The following SF3B1 variants were observed in gnomAD, a reference collection of about 807,000 sequenced individuals.
The protein encoded by SF3B1 is splicing factor 3b subunit 1.
A neutral mutation model predicts 153.8 loss-of-function variants in SF3B1; 12 were observed. The observed-to-expected ratio is 0.08, with a 90% CI of 0.05 to 0.13. SF3B1 has a LOEUF of 0.13. SF3B1 is among the 10% of genes least tolerant of loss of function. The pLI is 1.00. For missense variants in SF3B1, 513 were observed against 1,606.1 expected, an observed-to-expected ratio of 0.32 and a Z score of 11.63; for synonymous variants, 498 against 525.2, an observed-to-expected ratio of 0.95 and a Z score of 0.71.
intron 6 of SF3B1, among the ~76,000 whole-genome samples, chr2:197,416,376 A>AC (rs959413896): frequency 2.0e-5 from 3 of 152,092 alleles, no homozygotes; most frequent in Non-Finnish European, 4.4e-5. Context: ...TGAAGTCCTA[A>AC]CCCCCAGTGT....
Position 197,405,137 on chromosome 2 carries a change from T to C in SF3B1, c.1478A>G (p.Lys493Arg). 1.2e-6 allele frequency: 2 copies of C among 1,612,932 alleles called. No homozygotes were observed. The highest frequency in any genetic ancestry group is 8.5e-7 in the Non-Finnish European group (1 of 1,179,396). ...AAGCAACTTCATTATTTTTCTCTCT[T>C]TTTGCTCTTCTGGACTAAGTGTTGA... Reference protein sequence around the residue: ...DESTLSPEEQKERKIMKLLLK... With the variant: ...DESTLSPEEQRERKIMKLLLK... Residue 493 changes from lysine (K) to arginine (R), a missense_variant, in exon 11 of 25, where the codon AAA (lysine) becomes AGA (arginine). By Grantham distance (26) the Lys-to-Arg change is conservative (BLOSUM62 2). Transcript: ENST00000335508.
intron 1 of SF3B1, among the ~76,000 whole-genome samples, chr2:197,429,403 T>C (rs910543603): frequency 1.3e-5 from 2 of 152,226 alleles, no homozygotes; most frequent in Non-Finnish European, 2.9e-5. Flanking sequence ...ATTCTCTAGC[T>C]GAAGTACATC....
Position 197,402,240 on chromosome 2 carries a change from T to A in SF3B1, c.2078-110A>T. 7.5e-7 allele frequency: 1 copy of A among 1,333,778 alleles called. No homozygotes were observed. Among genetic ancestry groups the A allele is most frequent in the South Asian group, 1.5e-5 (1 of 65,480 alleles). The allele number at this position is 1,333,778 out of a possible 1,614,324, so 82.6% of individuals were successfully genotyped here. On this transcript the variant is annotated intron_variant, in intron 14 of 24. Transcript: ENST00000335508. This position sits in a 1 kb window ranked among gnomAD's most constrained non-coding sequence, Gnocchi z 4.6. ...TATTCAGCCAAACTGCAGAATATGT[T>A]CACATTAAACAAAATTAGGTAAAAG...
intron 6 of SF3B1, among the ~76,000 whole-genome samples, chr2:197,413,012 T>G (rs2085094569): frequency 6.7e-6 from 1 of 149,872 alleles, no homozygotes; most frequent in African/African-American, 2.5e-5. Flanking sequence ...AGCTCTTGTG[T>G]CTAGTTATGT....
chr2:197,401,049 G>T lies in SF3B1; in HGVS notation c.2497-113C>A. On this transcript the variant is annotated intron_variant, in intron 17 of 24. Transcript: ENST00000335508. The surrounding 1 kb of genome is among the most constrained non-coding windows in gnomAD (Gnocchi z 4.2). ...ACTACTTATTTAGCTAATAAACATG[G>T]TAAGAATGATTCATTGCTACTTATT... 1 of 668,746 alleles carries T rather than the reference G, an allele frequency of 1.5e-6. No homozygotes were observed. Among genetic ancestry groups the T allele is most frequent in the Non-Finnish European group, 2.5e-6 (1 of 396,538 alleles). 41.4% of individuals were successfully genotyped at this position (668,746 alleles called of 1,614,324 possible).
chr2:197,425,057 G>A (rs758369453), intron 1 of SF3B1, among the ~76,000 whole-genome samples: 3 of 152,250 alleles, frequency 2.0e-5, no homozygotes, highest in Non-Finnish European at 4.4e-5. Flanking sequence ...TACTCAGGAG[G>A]CTGAGGCAGA....
At chr2:197,423,719 G>C (rs2085285827) in intron 2 of SF3B1, 89 bp downstream of exon 2, 4 of 1,323,634 alleles carry the variant, frequency 3.0e-6, no homozygotes, top group Non-Finnish European at 4.3e-6. Flanking sequence ...TGTTTCTCCA[G>C]ATTAAACCAG....
rs16865657 is a variant in SF3B1 at position 197,433,989 on chromosome 2, G to A, written c.28+983C>T. On this transcript the variant is annotated intron_variant, in intron 1 of 24. Coordinates refer to ENST00000335508, the MANE Select transcript of SF3B1 (RefSeq NM_012433.4). ...CTTAAGCATGCATCTGGCCTCATGA[G>A]AGAATGAGAACATACACATCTGTTT... Among the ~76,000 whole-genome samples the A allele has an allele frequency of 9.8e-5, 15 of 152,304 alleles. No individual in the cohort carries two copies. In the East Asian group the frequency reaches 2.9e-3, roughly 29 times the overall value.
At chr2:197,430,978 C>A (rs1417071168) in intron 1 of SF3B1, among the ~76,000 whole-genome samples, 1 of 152,112 alleles carries the variant, frequency 6.6e-6, no homozygotes, top group African/African-American at 2.4e-5. Context: ...AAAACTCAGA[C>A]CTACATATCA....
intron 1 of SF3B1, among the ~76,000 whole-genome samples, chr2:197,426,360 A>C (rs1295712246): frequency 1.3e-5 from 2 of 151,726 alleles, no homozygotes; most frequent in Non-Finnish European, 2.9e-5. Context: ...CAGTGGCTGG[A>C]TCTCGGCTCA....
At chr2:197,434,877 C>A in intron 1 of SF3B1, 95 bp downstream of exon 1, 8 of 1,392,020 alleles carry the variant, frequency 5.7e-6, no homozygotes, top group South Asian at 1.2e-5. Context: ...TCAGCTCCTA[C>A]GAAAGAAACC....
At chr2:197,433,201 G>C (rs1455898846) in intron 1 of SF3B1, among the ~76,000 whole-genome samples, 1 of 152,192 alleles carries the variant, frequency 6.6e-6, no homozygotes, top group Non-Finnish European at 1.5e-5. Flanking sequence ...TATCCCATAG[G>C]GATGGGCACA....
In SF3B1 at chr2:197,391,837, TTA is replaced by T. The variant is rs1349841860; in HGVS notation, c.*464_*465del. 6.2e-6 allele frequency: 1 copy of T among 161,390 alleles called. No individual in the cohort carries two copies. Among genetic ancestry groups the T allele is most frequent in the Non-Finnish European group, 1.4e-5 (1 of 73,262 alleles). The allele number at this position is 161,390 out of a possible 1,614,324, so 10.0% of individuals were successfully genotyped here. On this transcript the variant is annotated 3_prime_UTR_variant, in exon 25 of 25. Coordinates refer to ENST00000335508, the MANE Select transcript of SF3B1 (RefSeq NM_012433.4). The stretch of plus-strand genomic sequence containing the variant: ...GAATTTTGACAAAGATGCCATCACT[TTA>T]TATAGTTTTTATTCAGCTAACTACT...
In SF3B1 at chr2:197,432,860, T is replaced by C. The variant is rs188982334; in HGVS notation, c.28+2112A>G. Among the ~76,000 whole-genome samples, 28 of 151,536 alleles carry C rather than the reference T, an allele frequency of 1.8e-4. No individual in the cohort carries two copies. The East Asian group carries it at 4.1e-3, about 22-fold the overall frequency. ...CTGCCTGGGCAACAGAAAAAGACCCTATCTCAAAAAAAAATAAAAAATAAA... is the reference window on the plus strand; with the variant it reads ...CTGCCTGGGCAACAGAAAAAGACCCCATCTCAAAAAAAAATAAAAAATAAA... On this transcript the variant is annotated intron_variant, in intron 1 of 24. Coordinates refer to ENST00000335508, the MANE Select transcript of SF3B1 (RefSeq NM_012433.4).
intron 1 of SF3B1, among the ~76,000 whole-genome samples, chr2:197,434,284 ACT>A (rs150672451): frequency 0.016 from 2,387 of 152,168 alleles, 67 homozygotes; most frequent in African/African-American, 0.054. Context: ...TAATTTGCAC[ACT>A]CTGTATTCCA....
At chr2:197,411,557 A>G (rs1225917441) in intron 6 of SF3B1, among the ~76,000 whole-genome samples, 1 of 151,988 alleles carries the variant, frequency 6.6e-6, no homozygotes, top group Non-Finnish European at 1.5e-5. Context: ...CTGTAGTCCC[A>G]GCTACTCGGG....
At chr2:197,403,473 T>C (rs1441463406) in intron 12 of SF3B1, 112 bp downstream of exon 12, 2 of 611,370 alleles carry the variant, frequency 3.3e-6, no homozygotes, top group East Asian at 6.3e-5. Context: ...TGTACATGTA[T>C]GGTGTGTACT....
chr2:197,416,717 T>C (rs1297783422), intron 6 of SF3B1, 24 bp downstream of exon 6: 2 of 1,594,242 alleles, frequency 1.3e-6, no homozygotes, highest in African/African-American at 1.4e-5. Flanking sequence ...TTAACAGTAA[T>C]AACAAAAAAC....
intron 9 of SF3B1, among the ~76,000 whole-genome samples, chr2:197,407,247 A>G (rs2085005489): frequency 6.6e-6 from 1 of 152,212 alleles, no homozygotes; most frequent in African/African-American, 2.4e-5. Flanking sequence ...TCTTCAGACT[A>G]ACAAATACTC....
Sources: gnomAD v4.1 joint callset for allele counts (sites outside exome capture counted in the v4.1 genomes callset) on GRCh38, gnomAD v4.1.1 for gene constraint, Gnocchi (gnomAD v3.1) non-coding constraint, MANE v1.5 for transcripts, NCBI Gene and HGNC (gene_info 2026-07-23, HGNC 2026-07-21) for gene names.